The following CREB5 variants were observed in gnomAD, a reference collection of about 807,000 sequenced individuals.
CREB5 encodes the protein cyclic AMP-responsive element-binding protein 5.
In CREB5, 19 loss-of-function variants were observed where a neutral mutation model predicts 57.1. The observed-to-expected ratio is 0.33, with a 90% CI of 0.23 to 0.49. The LOEUF (loss-of-function observed/expected upper bound fraction) is 0.49, where lower values mean the gene tolerates loss of function less well. Among genes scored for constraint, CREB5 ranks in the 20% least tolerant of loss-of-function variants. The probability of loss-of-function intolerance (pLI) is 0.99; values close to 1 mark genes in which losing one functional copy is unlikely to be tolerated. For missense variants in CREB5, 579 were observed against 671.6 expected, an observed-to-expected ratio of 0.86 and a Z score of 1.52; for synonymous variants, 238 against 238.3, an observed-to-expected ratio of 1.00 and a Z score of 0.01.
At chr7:28,633,686 A>G (rs1201550520) in intron 5 of CREB5, among the ~76,000 whole-genome samples, 1 of 152,166 alleles carries the variant, frequency 6.6e-6, no homozygotes, top group African/African-American at 2.4e-5. Flanking sequence ...GCTACCAGCC[A>G]TGACAGTAGT....
At chr7:28,785,585 C>A (rs1221754475) in intron 7 of CREB5, among the ~76,000 whole-genome samples, 1 of 152,164 alleles carries the variant, frequency 6.6e-6, no homozygotes, top group East Asian at 1.9e-4. Context: ...ACCTTGACCA[C>A]TATCAGGCAA....
chr7:28,636,614 C>A (rs979524957), intron 5 of CREB5, among the ~76,000 whole-genome samples: 3 of 152,198 alleles, frequency 2.0e-5, no homozygotes, highest in Non-Finnish European at 4.4e-5. Flanking sequence ...CCTATGACAT[C>A]CCCAATTATT....
chr7:28,738,474 C>T (rs1048311529), intron 7 of CREB5, among the ~76,000 whole-genome samples: 2 of 152,172 alleles, frequency 1.3e-5, no homozygotes, highest in Non-Finnish European at 2.9e-5. Context: ...TGTAAAAAAC[C>T]TGATTATTTT....
intron 4 of CREB5, among the ~76,000 whole-genome samples, chr7:28,509,116 GTTCA>G (rs1792597634): frequency 6.6e-6 from 1 of 152,078 alleles, no homozygotes; most frequent in Non-Finnish European, 1.5e-5. Flanking sequence ...AAGGAATTAA[GTTCA>G]TTCATTCCTC....
chr7:28,755,216 T>C (rs1462691922), intron 7 of CREB5, among the ~76,000 whole-genome samples: 1 of 152,128 alleles, frequency 6.6e-6, no homozygotes, highest in Non-Finnish European at 1.5e-5. Context: ...TTGGAGAAAA[T>C]ACTTTGTAAA....
At chr7:28,591,860 C>T (rs1369379036) in intron 5 of CREB5, among the ~76,000 whole-genome samples, 4 of 152,136 alleles carry the variant, frequency 2.6e-5, no homozygotes, top group Non-Finnish European at 5.9e-5. Flanking sequence ...GCTTGGGACT[C>T]ATAGGCTCTC....
chr7:28,815,991 A>G (rs1474433562), intron 9 of CREB5, among the ~76,000 whole-genome samples: 2 of 152,046 alleles, frequency 1.3e-5, no homozygotes, highest in African/African-American at 4.8e-5. Context: ...CGATTTCAGA[A>G]AAGTGTTATT....
intron 5 of CREB5, among the ~76,000 whole-genome samples, chr7:28,660,581 C>T (rs533911468): frequency 6.6e-5 from 10 of 152,082 alleles, no homozygotes; most frequent in African/African-American, 2.2e-4. Flanking sequence ...GTACTGTCCA[C>T]ACAAACATGA....
At chr7:28,342,517 T>C (rs998601455) in intron 1 of CREB5, among the ~76,000 whole-genome samples, 2 of 152,252 alleles carry the variant, frequency 1.3e-5, no homozygotes, top group Non-Finnish European at 2.9e-5. Flanking sequence ...TGCTTGCATC[T>C]GCAATGTTCA....
In CREB5 at chr7:28,492,287, AC is replaced by A. The variant is rs374681600; in HGVS notation, c.76-2617del. On this transcript the variant is annotated intron_variant, in intron 2 of 10. Transcript: ENST00000357727. ...AGTGCTGGGATTACAGGCGTGAGCC[AC>A]CGTGGCCACGTGGGAGATTTTTTAT... Among the ~76,000 whole-genome samples, 326 of 152,320 alleles carry A rather than the reference AC, an allele frequency of 2.1e-3. 2 individuals are homozygous for A. The highest frequency in any genetic ancestry group is 3.3e-3 in the Non-Finnish European group (226 of 68,032).
intron 1 of CREB5, among the ~76,000 whole-genome samples, chr7:28,454,379 C>T (rs1020286701): frequency 5.3e-5 from 8 of 152,174 alleles, no homozygotes; most frequent in African/African-American, 1.9e-4. Context: ...TCCTGGGGCA[C>T]CAGATTGGCC....
chr7:28,580,562 T>TGTGG (rs1350294115), intron 5 of CREB5, among the ~76,000 whole-genome samples: 3 of 137,068 alleles, frequency 2.2e-5, no homozygotes, highest in Admixed American at 1.5e-4. Context: ...CAAATTGGTG[T>TGTGG]GTGTGTGTGT....
At chr7:28,310,959 G>A (rs61119607) in intron 1 of CREB5, among the ~76,000 whole-genome samples, 3,880 of 151,944 alleles carry the variant, frequency 0.026, 140 homozygotes, top group African/African-American at 0.088. Context: ...GAGTCCACAC[G>A]GGACATTTGG....
rs371243800 is a variant in CREB5 at position 28,732,480 on chromosome 7, C to T, written c.702+8148C>T. 4.6e-4 allele frequency among the ~76,000 whole-genome samples: 70 copies of T among 152,140 alleles called. No homozygotes were observed. In the South Asian group the frequency reaches 0.013, roughly 27 times the overall value. On this transcript the variant is annotated intron_variant, in intron 7 of 10. Coordinates refer to ENST00000357727, the MANE Select transcript of CREB5 (RefSeq NM_182898.4). Reference sequence around the variant, plus strand: ...AGCCTCTTTCTTGTGTATTTGTGGACGTGTGAGCACGCGTGTGTCCCTGTC... The same window carrying T: ...AGCCTCTTTCTTGTGTATTTGTGGATGTGTGAGCACGCGTGTGTCCCTGTC...
intron 5 of CREB5, among the ~76,000 whole-genome samples, chr7:28,584,194 T>C (rs1484079825): frequency 6.6e-6 from 1 of 152,144 alleles, no homozygotes; most frequent in Non-Finnish European, 1.5e-5. Context: ...TCTTCCTCCT[T>C]CACAGGCTCA....
chr7:28,302,382 C>G (rs1455239263), intron 1 of CREB5, among the ~76,000 whole-genome samples: 1 of 152,134 alleles, frequency 6.6e-6, no homozygotes. Flanking sequence ...AAATGATTCA[C>G]ACATGTTAAA....
At chr7:28,477,267 C>CT (rs1791115250) in intron 1 of CREB5, among the ~76,000 whole-genome samples, 1 of 152,202 alleles carries the variant, frequency 6.6e-6, no homozygotes, top group Non-Finnish European at 1.5e-5. Flanking sequence ...GGGGGCTGGC[C>CT]TTTTCCCTTC....
intron 1 of CREB5, among the ~76,000 whole-genome samples, chr7:28,372,775 G>C (rs1562680048): frequency 6.6e-6 from 1 of 152,166 alleles, no homozygotes; most frequent in Admixed American, 6.6e-5. Flanking sequence ...GCCTTATAAA[G>C]TGCTCTTTGT....
At position 28,821,126 on chromosome 7, in the gene CREB5, A is replaced by ACGTGTGTGTG. The variant is rs1554304539; in HGVS notation, c.*1847_*1848insCGTGTGTGTG. The ACGTGTGTGTG allele has an allele frequency of 2.6e-4, 38 of 146,442 alleles. No homozygotes were observed. Among genetic ancestry groups the ACGTGTGTGTG allele is most frequent in the African/African-American group, 9.4e-4 (37 of 39,466 alleles). 9.1% of individuals were successfully genotyped at this position (146,442 alleles called of 1,614,324 possible). On this transcript the variant is annotated 3_prime_UTR_variant, in exon 11 of 11. Coordinates refer to ENST00000357727, the MANE Select transcript of CREB5 (RefSeq NM_182898.4). ...CTCCATTTGAATGCTTGACCTCTTA[A>ACGTGTGTGTG]TGTGTGTGTGTGTGTGTGTGTGTGT... is the stretch of plus-strand genomic sequence containing the variant.
Sources: gnomAD v4.1 joint callset for allele counts (sites outside exome capture counted in the v4.1 genomes callset) on GRCh38, gnomAD v4.1.1 for gene constraint, MANE v1.5 for transcripts, NCBI Gene and HGNC (gene_info 2026-07-23, HGNC 2026-07-21) for gene names.